Variants in OTOG observed in about 807,000 individuals in gnomAD.
OTOG encodes the protein otogelin.
In OTOG, 296 loss-of-function variants were observed where a neutral mutation model predicts 313.8. That is an observed-to-expected ratio of 0.94 (90% CI 0.86 to 1.04). The LOEUF is 1.04. Among genes scored for constraint, OTOG ranks in the 50% least tolerant of loss-of-function variants. The probability of loss-of-function intolerance (pLI) is 0.00; values close to 1 mark genes in which losing one functional copy is unlikely to be tolerated. For missense variants in OTOG, 3,948 were observed against 3,840.1 expected (o/e 1.03, Z -0.74); for synonymous variants, 1,533 against 1,554.9 (o/e 0.99, Z 0.33).
At chr11:17,608,501 A>C in intron 34 of OTOG, 88 bp downstream of exon 34, 1 of 904,706 alleles carries the variant, frequency 1.1e-6, no homozygotes, top group African/African-American at 1.7e-5. Flanking sequence ...TGAGTGTTTC[A>C]TATGTTGAGT....
At position 17,593,647 on chromosome 11, in the gene OTOG, A is replaced by C. The variant is rs1853009352; in HGVS notation, c.3179A>C (p.His1060Pro). 1.3e-6 allele frequency: 2 copies of C among 1,549,042 alleles called. No individual in the cohort carries two copies. The highest frequency in any genetic ancestry group is 1.7e-6 in the Non-Finnish European group (2 of 1,146,998). The change falls in exon 27 of 56, where the codon CAC (histidine) becomes CCC (proline). Residue 1060 changes from histidine to proline, a missense_variant. His to Pro is a moderately conservative substitution (Grantham distance 77). Coordinates refer to ENST00000399397, the MANE Select transcript of OTOG (RefSeq NM_001292063.2). ...TTCCTGGATGACAAGCAGGAGGTCC[A>C]CACATGGCGAGTGGGATTTTTCACA... ...ESFLDDKQEV[H>P]TWRVGFFTLV...
intron 41 of OTOG, 41 bp from the exon 42 acceptor site, chr11:17,632,047 T>C: frequency 6.5e-7 from 1 of 1,545,410 alleles, no homozygotes; most frequent in Non-Finnish European, 8.7e-7. Flanking sequence ...CTGGGATATG[T>C]GCCATCCGAG....
At chr11:17,629,032 GTGGA>G (rs1854050380) in intron 39 of OTOG, 97 bp from the exon 40 acceptor site, 145 of 1,193,078 alleles carry the variant, frequency 1.2e-4, no homozygotes, top group South Asian at 8.9e-4. Flanking sequence ...CAGATGATGG[GTGGA>G]TGGATGGATG....
intron 39 of OTOG, among the ~76,000 whole-genome samples, chr11:17,614,149 C>G (rs930669142): frequency 6.6e-6 from 1 of 152,104 alleles, no homozygotes; most frequent in African/African-American, 2.4e-5. Flanking sequence ...CAACAACAGC[C>G]CACCCCCATA....
rs1305481925 is a variant in OTOG, at chr11:17,645,712, C to T, written c.8542-32C>T. ...GGAGGGGGTTTGGGGGTGTGAGCAC[C>T]ACAGACTGCCTCACTGGCCTGCCCG... On this transcript the variant is annotated intron_variant, in intron 55 of 55. Coordinates refer to ENST00000399397, the MANE Select transcript of OTOG (RefSeq NM_001292063.2). 4.5e-6 allele frequency: 7 copies of T among 1,550,758 alleles called. No homozygotes were observed. In the Admixed American group the frequency reaches 5.9e-5, roughly 13 times the overall value.
At position 17,555,779 on chromosome 11, in the gene OTOG, G is replaced by A; in HGVS notation, c.541G>A (p.Val181Ile). Residue 181 changes from valine to isoleucine, a missense_variant and splice_region_variant, in exon 7 of 56, where the codon GTA becomes ATA. By Grantham distance (29) the Val-to-Ile change is conservative. Transcript: ENST00000399397. ...ACCAGCCTCTGAACTCCCTACTCAG[G>A]TACACAATGACCCGCAGTGTGGCTC... ...EPEGQSFSIQ[V>I]HNDPQCGSSP... 1 of 1,549,996 alleles carries A rather than the reference G, an allele frequency of 6.5e-7. No individual in the cohort carries two copies.
rs777070962 is a variant in OTOG, at chr11:17,602,276, C to T, written c.3776C>T (p.Ala1259Val). ...AAGGALVGMK[A>V]VGDDIVLVRT... ...GGTGGTGCTCTGGTGGGCATGAAGG[C>T]GGTGGGCGATGACATAGTCCTAGTG... The change falls in exon 32 of 56, where the codon GCG (alanine) becomes GTG (valine). Residue 1259 changes from alanine (A) to valine (V), a missense_variant. By Grantham distance (64) the Ala-to-Val change is moderately conservative (BLOSUM62 0). Transcript: ENST00000399397. 16 of 1,550,482 alleles carry T rather than the reference C, an allele frequency of 1.0e-5. No individual in the cohort carries two copies. Among genetic ancestry groups the T allele is most frequent in the African/African-American group, 4.1e-5 (3 of 73,050 alleles).
In OTOG at chr11:17,645,753, G is replaced by A; in HGVS notation, c.8551G>A (p.Val2851Met). The A allele has an allele frequency of 2.6e-6, 4 of 1,550,918 alleles. No homozygotes were observed. Among genetic ancestry groups the A allele is most frequent in the Non-Finnish European group, 3.5e-6 (4 of 1,147,074 alleles). Reference protein sequence around the residue: ...ECRSSTPVNLVSCDGRCPSAS... With the variant: ...ECRSSTPVNLMSCDGRCPSAS... ...GGCCTGCCCGTTCCAGGTGAACCTAGTGTCCTGCGATGGGAGGTGCCCATC... is the reference window on the plus strand; with the variant it reads ...GGCCTGCCCGTTCCAGGTGAACCTAATGTCCTGCGATGGGAGGTGCCCATC... The change falls in exon 56 of 56, where the codon GTG becomes ATG. Residue 2851 changes from valine (V) to methionine (M), a missense_variant. By Grantham distance (21) the Val-to-Met change is conservative. Coordinates refer to ENST00000399397, the MANE Select transcript of OTOG (RefSeq NM_001292063.2).
chr11:17,557,772 C>T (rs1407277160), intron 8 of OTOG, among the ~76,000 whole-genome samples: 1 of 152,152 alleles, frequency 6.6e-6, no homozygotes, highest in Admixed American at 6.5e-5. Flanking sequence ...TTTTGAGCAC[C>T]TACACCATAC....
At chr11:17,637,616 T>G (rs1208555793) in intron 47 of OTOG, among the ~76,000 whole-genome samples, 1 of 152,212 alleles carries the variant, frequency 6.6e-6, no homozygotes, top group Non-Finnish European at 1.5e-5. Context: ...GCACATCACT[T>G]CGGGTGCCAC....
intron 53 of OTOG, among the ~76,000 whole-genome samples, chr11:17,642,865 C>T (rs1165526654): frequency 6.6e-6 from 1 of 152,194 alleles, no homozygotes; most frequent in East Asian, 1.9e-4. Context: ...CACACCCACA[C>T]ATGCAAAATC....
chr11:17,619,693 C>G (rs960063738), intron 39 of OTOG, among the ~76,000 whole-genome samples: 1 of 152,024 alleles, frequency 6.6e-6, no homozygotes. Context: ...TTTCACCAAG[C>G]CTTTGTGTTA....
Position 17,610,535 on chromosome 11 carries a change from C to T in OTOG, c.5235C>T (p.Leu1745=). ...CTGCCTCCCCACAGCCACACCCACT[C>T]CCCTCTGCACCACCCCGCCCAGCCC... ...GSPASPQPHP[L]PSAPPRPAQH... Residue 1745 remains leucine, a synonymous_variant, in exon 36 of 56, where the codon CTC becomes CTT. Transcript: ENST00000399397. 1 of 1,550,624 alleles carries T rather than the reference C, an allele frequency of 6.4e-7. No homozygotes were observed. Among genetic ancestry groups the T allele is most frequent in the Non-Finnish European group, 8.7e-7 (1 of 1,146,962 alleles).
At chr11:17,620,842 A>G (rs1853847906) in intron 39 of OTOG, among the ~76,000 whole-genome samples, 1 of 152,108 alleles carries the variant, frequency 6.6e-6, no homozygotes, top group Admixed American at 6.5e-5. Context: ...GATAGTATTT[A>G]TTGCTCTAAG....
chr11:17,621,355 A>G (rs1430474578), intron 39 of OTOG, among the ~76,000 whole-genome samples: 1 of 152,066 alleles, frequency 6.6e-6, no homozygotes, highest in Non-Finnish European at 1.5e-5. Context: ...CTACATACCA[A>G]TTCCCTGCTA....
intron 42 of OTOG, among the ~76,000 whole-genome samples, chr11:17,632,579 GA>G (rs1395878656): frequency 6.6e-6 from 1 of 152,142 alleles, no homozygotes; most frequent in Non-Finnish European, 1.5e-5. Context: ...GGATGTGGGG[GA>G]ATGTGTTCCG....
At chr11:17,592,873 G>C (rs1852983272) in intron 25 of OTOG, among the ~76,000 whole-genome samples, 1 of 152,172 alleles carries the variant, frequency 6.6e-6, no homozygotes, top group South Asian at 2.1e-4. Context: ...CCTGCAAAAA[G>C]CTTACACTAG....
chr11:17,596,771 G>T (rs928536084), intron 29 of OTOG, 80 bp from the exon 30 acceptor site: 1 of 1,312,234 alleles, frequency 7.6e-7, no homozygotes, highest in Middle Eastern at 1.9e-4. Context: ...TCATGTTGGT[G>T]CTGGTCGTCA....
Position 17,557,211 on chromosome 11 carries a change from G to A in OTOG, c.753G>A (p.Trp251Ter). 6.4e-7 allele frequency: 1 copy of A among 1,550,640 alleles called. No homozygotes were observed. Among genetic ancestry groups the A allele is most frequent in the Non-Finnish European group, 8.7e-7 (1 of 1,147,000 alleles). ...ATCAGTCAGCCTTCACACTGGCCTG[G>A]GATGGTGCCTCGGCTGTCTACATCA... ...VRHQSAFTLA[W>*]DGASAVYIKM... The change falls in exon 8 of 56, where the codon TGG becomes TGA. Residue 251 changes from tryptophan (W) to a stop codon, truncating the protein, a stop_gained. Coordinates refer to ENST00000399397, the MANE Select transcript of OTOG (RefSeq NM_001292063.2). LOFTEE classifies it high-confidence loss of function.
Sources: allele counts gnomAD v4.1 joint callset (sites outside exome capture counted in the v4.1 genomes callset), GRCh38; gene constraint gnomAD v4.1.1; transcripts MANE v1.5; gene names NCBI Gene and HGNC (gene_info 2026-07-23, HGNC 2026-07-21).